The following ESPNL variants were observed in gnomAD, a reference collection of about 807,000 sequenced individuals.
The protein encoded by ESPNL is espin-like protein.
In ESPNL, 49 loss-of-function variants were observed where a neutral mutation model predicts 46.8. That is an observed-to-expected ratio of 1.05 (90% CI 0.83 to 1.33). The LOEUF (loss-of-function observed/expected upper bound fraction) is 1.33, where lower values mean the gene tolerates loss of function less well. Ranked by LOEUF, ESPNL falls within the 40% of genes most tolerant of loss-of-function variation. ESPNL has a pLI of 0.00. For missense variants in ESPNL, 1,540 were observed against 1,436.6 expected, an observed-to-expected ratio of 1.07 and a Z score of -1.16; for synonymous variants, 664 against 662.1, an observed-to-expected ratio of 1.00 and a Z score of -0.04.
intron 6 of ESPNL, 21 bp downstream of exon 6, chr2:238,125,405 G>A: frequency 7.2e-7 from 1 of 1,381,120 alleles, no homozygotes; most frequent in Non-Finnish European, 9.7e-7. Flanking sequence ...AGCCCCAAGT[G>A]GGCCACCCAG....
chr2:238,103,467 GCA>G (rs1173529832), intron 2 of ESPNL, among the ~76,000 whole-genome samples: 1 of 151,718 alleles, frequency 6.6e-6, no homozygotes, highest in Non-Finnish European at 1.5e-5. Flanking sequence ...ATGTTAATAT[GCA>G]CACACACACG....
Position 238,122,897 on chromosome 2 carries a change from T to C in ESPNL, c.988-2373T>C, listed in dbSNP as rs1005317018. On this transcript the variant is annotated intron_variant, in intron 5 of 8. Coordinates refer to ENST00000343063, the MANE Select transcript of ESPNL (RefSeq NM_194312.4). The stretch of plus-strand genomic sequence containing the variant: ...GTCTGGCTTTTCTGGCCGCGTCTGG[T>C]CTGGAGTCTGACTCTGCCCTGCTTG... 4.9e-4 allele frequency among the ~76,000 whole-genome samples: 75 copies of C among 152,326 alleles called. 2 individuals are homozygous for C. Among genetic ancestry groups the C allele is most frequent in the African/African-American group, 1.6e-3 (66 of 41,568 alleles).
At chr2:238,126,116 GTGAT>G (rs199710611) in intron 6 of ESPNL, among the ~76,000 whole-genome samples, 3,315 of 151,652 alleles carry the variant, frequency 0.022, 107 homozygotes, top group African/African-American at 0.071. Flanking sequence ...GTGTGTCTCT[GTGAT>G]TGATTGTGTC....
In ESPNL at chr2:238,131,394, T is replaced by C; in HGVS notation, c.2680T>C (p.Trp894Arg). Residue 894 changes from tryptophan to arginine, a missense_variant, in exon 9 of 9, where the codon TGG (tryptophan) becomes CGG (arginine). Physicochemically the swap from Trp to Arg is moderately radical, Grantham distance 101 (BLOSUM62 -3). Transcript: ENST00000343063. ...EVFEHLGTHG[W>R]EAVRAFHKAV... ...CTTCGAGCACCTGGGCACCCACGGC[T>C]GGGAGGCTGTGCGCGCCTTCCACAA... 1.2e-6 allele frequency: 2 copies of C among 1,606,660 alleles called. No homozygotes were observed. Among genetic ancestry groups the C allele is most frequent in the South Asian group, 2.2e-5 (2 of 90,202 alleles).
Position 238,130,750 on chromosome 2 carries a change from A to G in ESPNL, c.2036A>G (p.Gln679Arg). 6.4e-7 allele frequency: 1 copy of G among 1,562,876 alleles called. No homozygotes were observed. The highest frequency in any genetic ancestry group is 8.6e-7 in the Non-Finnish European group (1 of 1,157,998). The change falls in exon 9 of 9, where the codon CAG becomes CGG. Residue 679 changes from glutamine (Q) to arginine (R), a missense_variant. Gln to Arg is a conservative substitution (Grantham distance 43, BLOSUM62 1). Transcript: ENST00000343063. The part of the protein sequence containing the change: ...FNPGPCEPGA[Q>R]HRQCLSGCWP... The stretch of plus-strand genomic sequence containing the variant: ...CCTGGCCCCTGCGAGCCGGGGGCCC[A>G]GCACAGGCAGTGCCTGAGTGGCTGC...
intron 5 of ESPNL, among the ~76,000 whole-genome samples, chr2:238,119,584 G>GAGGAGGTGGATGA (rs1691940528): frequency 6.6e-6 from 1 of 151,346 alleles, no homozygotes; most frequent in Non-Finnish European, 1.5e-5. Context: ...GAGGTGGATG[G>GAGGAGGTGGATGA]AGGAGGTGGA....
At position 238,116,997 on chromosome 2, in the gene ESPNL, G is replaced by C. The variant is rs532111166; in HGVS notation, c.950G>C (p.Arg317Pro). 1.2e-6 allele frequency: 2 copies of C among 1,612,330 alleles called. No homozygotes were observed. The highest frequency in any genetic ancestry group is 2.7e-5 in the African/African-American group (2 of 75,044). Residue 317 changes from arginine (R) to proline (P), a missense_variant, in exon 5 of 9, where the codon CGG becomes CCG. By Grantham distance (103) the Arg-to-Pro change is moderately radical. Transcript: ENST00000343063. ...GACCTGGCGGAGTACCATGGACACC[G>C]GGACTGCGCCCAGTACCTGCGGGAG... is the stretch of plus-strand genomic sequence containing the variant. ...AADLAEYHGH[R>P]DCAQYLREVA...
At chr2:238,126,179 AGT>A (rs1408667160) in intron 6 of ESPNL, among the ~76,000 whole-genome samples, 6 of 125,456 alleles carry the variant, frequency 4.8e-5, no homozygotes, top group African/African-American at 9.3e-5. Context: ...ATTGTGTTCG[AGT>A]GTGTGATCGT....
chr2:238,120,227 G>A (rs893491566), intron 5 of ESPNL, among the ~76,000 whole-genome samples: 4 of 152,156 alleles, frequency 2.6e-5, no homozygotes, highest in African/African-American at 9.7e-5. Context: ...AGGAGTGCCG[G>A]CTGCCTGGGT....
chr2:238,126,826 T>G (rs990344335), intron 6 of ESPNL, among the ~76,000 whole-genome samples: 72 of 151,506 alleles, frequency 4.8e-4, no homozygotes, highest in Non-Finnish European at 8.4e-4. Flanking sequence ...TGTGTGTTTC[T>G]CTGTGTGTGA....
intron 2 of ESPNL, among the ~76,000 whole-genome samples, chr2:238,103,991 T>G (rs1439390086): frequency 2.0e-5 from 3 of 152,176 alleles, no homozygotes; most frequent in South Asian, 2.1e-4. Context: ...AGCTGAGGCC[T>G]GTGACTGGAC....
rs569952301 is a variant in ESPNL, at chr2:238,127,248, C to T, written c.1103-374C>T. On this transcript the variant is annotated intron_variant, in intron 6 of 8. Coordinates refer to ENST00000343063, the MANE Select transcript of ESPNL (RefSeq NM_194312.4). ...ACGTGTTCTTCACTCGAGGTTGACCCTGAAGTGTGTGTTTTCATCGGGGCA... is the reference window on the plus strand; with the variant it reads ...ACGTGTTCTTCACTCGAGGTTGACCTTGAAGTGTGTGTTTTCATCGGGGCA... The T allele has an allele frequency of 5.1e-5, 32 of 624,420 alleles. No individual in the cohort carries two copies. In the African/African-American group the frequency reaches 5.7e-4, roughly 11 times the overall value. 38.7% of individuals were successfully genotyped at this position (624,420 alleles called of 1,614,324 possible). A position where few individuals can be genotyped will look rare whatever the true frequency, so the allele number is the denominator to read the frequency against.
intron 4 of ESPNL, among the ~76,000 whole-genome samples, chr2:238,115,681 A>T (rs1315564192): frequency 6.6e-6 from 1 of 152,204 alleles, no homozygotes; most frequent in African/African-American, 2.4e-5. Context: ...GGGGTCTCAC[A>T]ACTTGTTTGA....
At position 238,131,478 on chromosome 2, in the gene ESPNL, A is replaced by G. The variant is rs1692335929; in HGVS notation, c.2764A>G (p.Ile922Val). 6.2e-7 allele frequency: 1 copy of G among 1,611,726 alleles called. No homozygotes were observed. Among genetic ancestry groups the G allele is most frequent in the South Asian group, 1.1e-5 (1 of 91,016 alleles). ...GGCCTGGACCGACGGCTTCGAGGAC[A>G]TCAAAGCCCGCTTCTTTGGCTCCAG... The part of the protein sequence containing the change: ...RRAWTDGFED[I>V]KARFFGSSQR... The change falls in exon 9 of 9, where the codon ATC becomes GTC. Residue 922 changes from isoleucine (I) to valine (V), a missense_variant. Transcript: ENST00000343063.
intron 2 of ESPNL, among the ~76,000 whole-genome samples, chr2:238,102,463 A>G (rs1051172630): frequency 2.0e-5 from 3 of 152,042 alleles, no homozygotes; most frequent in Non-Finnish European, 4.4e-5. Context: ...GGGACCTAAA[A>G]CAGCTGGGGA....
In ESPNL at chr2:238,107,874, G is replaced by A. The variant is rs766414518; in HGVS notation, c.756G>A (p.Thr252=). The change falls in exon 4 of 9, where the codon ACG becomes ACA. Residue 252 remains threonine (T), a synonymous_variant. Coordinates refer to ENST00000343063, the MANE Select transcript of ESPNL (RefSeq NM_194312.4). ...ACTTTGCAGCCCGAGGCGGCCACAC[G>A]CCCATTCTAGACCGACTCCTGCTCA... ...ALHFAARGGH[T]PILDRLLLMG... is the part of the protein sequence containing the mutation. 2.5e-5 allele frequency: 40 copies of A among 1,611,882 alleles called. No individual in the cohort carries two copies. In the South Asian group the frequency reaches 3.4e-4, roughly 14 times the overall value.
intron 5 of ESPNL, 55 bp from the exon 6 acceptor site, chr2:238,125,215 T>A: frequency 1.3e-6 from 1 of 785,740 alleles, no homozygotes; most frequent in East Asian, 3.1e-5. Flanking sequence ...CCTGTCTAGG[T>A]GAGCAGGGAA....
At chr2:238,108,989 C>T (rs917387511) in intron 4 of ESPNL, among the ~76,000 whole-genome samples, 1 of 152,208 alleles carries the variant, frequency 6.6e-6, no homozygotes, top group Non-Finnish European at 1.5e-5. Context: ...CCCCAGCTAC[C>T]GCCCTTCCTC....
In ESPNL at chr2:238,126,916, C is replaced by A. The variant is rs111163671; in HGVS notation, c.1103-706C>A. 2.4e-4 allele frequency among the ~76,000 whole-genome samples: 10 copies of A among 40,848 alleles called. No individual in the cohort carries two copies. The African/African-American group carries it at 2.7e-3, about 11-fold the overall frequency. The allele number at this position is 40,848 out of a possible 152,430, so 26.8% of individuals were successfully genotyped here. ...GATTGTGTGATTGTGTGTGTATGATCGTGTCTGTGTGTCTGTGATTGTGTG... is the reference window on the plus strand; with the variant it reads ...GATTGTGTGATTGTGTGTGTATGATAGTGTCTGTGTGTCTGTGATTGTGTG... On this transcript the variant is annotated intron_variant, in intron 6 of 8. Coordinates refer to ENST00000343063, the MANE Select transcript of ESPNL (RefSeq NM_194312.4).
Sources: allele counts gnomAD v4.1 joint callset (sites outside exome capture counted in the v4.1 genomes callset), GRCh38; gene constraint gnomAD v4.1.1; transcripts MANE v1.5; gene names NCBI Gene and HGNC (gene_info 2026-07-23, HGNC 2026-07-21).